SLC4A10: variants seen among roughly 807,000 people sequenced by gnomAD.
The protein encoded by SLC4A10 is sodium-driven chloride bicarbonate exchanger.
SLC4A10 carries 42 observed loss-of-function variants against 137.7 expected under a neutral mutation model. The observed-to-expected ratio is 0.30, with a 90% CI of 0.24 to 0.39. The LOEUF (loss-of-function observed/expected upper bound fraction) is 0.39, where lower values mean the gene tolerates loss of function less well. Ranked by LOEUF, SLC4A10 falls within the 10% of genes least tolerant of loss-of-function variation. The probability of loss-of-function intolerance (pLI) is 1.00; values close to 1 mark genes in which losing one functional copy is unlikely to be tolerated. For missense variants in SLC4A10, 925 were observed against 1,355.0 expected, an observed-to-expected ratio of 0.68 and a Z score of 4.98; for synonymous variants, 474 against 464.1, an observed-to-expected ratio of 1.02 and a Z score of -0.27.
intron 15 of SLC4A10, among the ~76,000 whole-genome samples, chr2:161,936,040 G>A (rs74498984): frequency 1.3e-5 from 2 of 152,054 alleles, no homozygotes; most frequent in Non-Finnish European, 2.9e-5. Context: ...CTGTAGAGAT[G>A]ATCACATGGT....
At chr2:161,675,362 C>G (rs953668696) in intron 1 of SLC4A10, among the ~76,000 whole-genome samples, 4 of 152,214 alleles carry the variant, frequency 2.6e-5, no homozygotes, top group African/African-American at 9.6e-5. Flanking sequence ...CACATGGCAT[C>G]TGCCCAGCTC....
intron 15 of SLC4A10, among the ~76,000 whole-genome samples, chr2:161,911,471 C>T (rs903790928): frequency 6.6e-6 from 1 of 152,012 alleles, no homozygotes; most frequent in Non-Finnish European, 1.5e-5. Flanking sequence ...AATCATACTG[C>T]ATAAACCTTT....
intron 1 of SLC4A10, among the ~76,000 whole-genome samples, chr2:161,687,366 G>T (rs1056341624): frequency 6.6e-6 from 1 of 151,936 alleles, no homozygotes; most frequent in Non-Finnish European, 1.5e-5. Context: ...TGCTTTTTGT[G>T]TTTTCTATGC....
chr2:161,729,615 G>A (rs189404137), intron 1 of SLC4A10, among the ~76,000 whole-genome samples: 13 of 149,568 alleles, frequency 8.7e-5, no homozygotes, highest in East Asian at 4.0e-4. Flanking sequence ...AAAATAAAGC[G>A]AATTTTTTTT....
At chr2:161,931,326 A>T (rs1006494160) in intron 15 of SLC4A10, 2 of 152,378 alleles carry the variant, frequency 1.3e-5, no homozygotes, top group African/African-American at 4.8e-5. Context: ...AGAATGAGCA[A>T]AGGTGATGTT....
At chr2:161,775,526 TG>T (rs1284139718) in intron 2 of SLC4A10, among the ~76,000 whole-genome samples, 1 of 151,870 alleles carries the variant, frequency 6.6e-6, no homozygotes. Flanking sequence ...TTGGAGGTCT[TG>T]GTAAGAGAGA....
chr2:161,811,706 C>T (rs1255732533), intron 3 of SLC4A10, among the ~76,000 whole-genome samples: 1 of 152,058 alleles, frequency 6.6e-6, no homozygotes, highest in Non-Finnish European at 1.5e-5. Context: ...TCAGAAAGAA[C>T]TCACTTTACT....
At chr2:161,871,853 T>C (rs998073798) in intron 6 of SLC4A10, among the ~76,000 whole-genome samples, 7 of 152,116 alleles carry the variant, frequency 4.6e-5, no homozygotes, top group African/African-American at 1.7e-4. Flanking sequence ...CCTAAAAATA[T>C]ACTGTGTAAT....
chr2:161,847,288 C>T (rs908281263), intron 4 of SLC4A10, among the ~76,000 whole-genome samples: 2 of 148,756 alleles, frequency 1.3e-5, no homozygotes, highest in Non-Finnish European at 3.0e-5. Context: ...CACACACATA[C>T]ACACACACAC....
At chr2:161,735,318 G>A (rs2047230389) in intron 1 of SLC4A10, among the ~76,000 whole-genome samples, 1 of 151,304 alleles carries the variant, frequency 6.6e-6, no homozygotes, top group Admixed American at 6.6e-5. Context: ...TTTTTCATTA[G>A]CAAATCTAAA....
chr2:161,651,355 C>T (rs563189653), intron 1 of SLC4A10: 30 of 152,490 alleles, frequency 2.0e-4, no homozygotes, highest in African/African-American at 6.7e-4. Context: ...CCACCTGGCT[C>T]ACCCTCCGGT....
At chr2:161,669,131 C>A (rs745514973) in intron 1 of SLC4A10, among the ~76,000 whole-genome samples, 19 of 151,826 alleles carry the variant, frequency 1.3e-4, no homozygotes, top group Non-Finnish European at 2.8e-4. Flanking sequence ...GACTATATAA[C>A]AATTTTGGTA....
chr2:161,829,984 T>C (rs2058326810), intron 3 of SLC4A10, among the ~76,000 whole-genome samples: 1 of 152,136 alleles, frequency 6.6e-6, no homozygotes, highest in Admixed American at 6.5e-5. Flanking sequence ...TCTCACTGGG[T>C]CTCTGCCACA....
At chr2:161,829,158 A>G (rs2058255723) in intron 3 of SLC4A10, among the ~76,000 whole-genome samples, 1 of 151,546 alleles carries the variant, frequency 6.6e-6, no homozygotes, top group Admixed American at 6.6e-5. Context: ...ACACCTCTTT[A>G]CCCTTATAGC....
intron 1 of SLC4A10, among the ~76,000 whole-genome samples, chr2:161,685,233 A>G (rs2041256252): frequency 6.6e-6 from 1 of 152,172 alleles, no homozygotes; most frequent in African/African-American, 2.4e-5. Context: ...AGTATGCTCT[A>G]GACCCTGGGC....
At chr2:161,787,117 G>A (rs1380074102) in intron 2 of SLC4A10, among the ~76,000 whole-genome samples, 1 of 151,990 alleles carries the variant, frequency 6.6e-6, no homozygotes, top group African/African-American at 2.4e-5. Context: ...CAGTCTCATG[G>A]TGATGAATTT....
intron 1 of SLC4A10, among the ~76,000 whole-genome samples, chr2:161,688,820 A>G (rs2041695511): frequency 6.6e-6 from 1 of 152,164 alleles, no homozygotes; most frequent in African/African-American, 2.4e-5. Context: ...TGTGCCATAT[A>G]ACAAATGTTT....
intron 8 of SLC4A10, among the ~76,000 whole-genome samples, chr2:161,874,224 T>C (rs1383093740): frequency 6.6e-6 from 1 of 152,234 alleles, no homozygotes; most frequent in African/African-American, 2.4e-5. Context: ...TGAAATGATC[T>C]TAAAAGCAAT....
intron 1 of SLC4A10, among the ~76,000 whole-genome samples, chr2:161,767,233 C>T (rs368642600): frequency 5.7e-4 from 50 of 87,654 alleles, no homozygotes; most frequent in South Asian, 1.3e-3. Flanking sequence ...TATATATATA[C>T]ACATATATAT....
Sources: gnomAD v4.1 joint callset for allele counts (sites outside exome capture counted in the v4.1 genomes callset) on GRCh38, gnomAD v4.1.1 for gene constraint, MANE v1.5 for transcripts, NCBI Gene and HGNC (gene_info 2026-07-23, HGNC 2026-07-21) for gene names.